Variants in ROBO2 observed in about 807,000 individuals in gnomAD.
ROBO2 encodes the protein roundabout homolog 2.
A neutral mutation model predicts 160.8 loss-of-function variants in ROBO2; 53 were observed. The observed-to-expected ratio is 0.33, with a 90% CI of 0.26 to 0.41. The LOEUF (loss-of-function observed/expected upper bound fraction) is 0.41. Among genes scored for constraint, ROBO2 ranks in the 10% least tolerant of loss-of-function variants. The pLI is 1.00. For synonymous variants in ROBO2, 664 were observed against 611.7 expected (o/e 1.09, Z -1.26); for missense variants, 1,577 against 1,722.4 (o/e 0.92, Z 1.49).
At chr3:76,257,998 G>T (rs1253130160) in intron 2 of ROBO2, among the ~76,000 whole-genome samples, 2 of 151,984 alleles carry the variant, frequency 1.3e-5, no homozygotes, top group East Asian at 3.9e-4. Context: ...AAATTTTTTG[G>T]AAAGTCATAT....
intron 2 of ROBO2, among the ~76,000 whole-genome samples, chr3:75,943,571 T>G (rs959376870): frequency 8.5e-5 from 13 of 152,216 alleles, no homozygotes; most frequent in Non-Finnish European, 1.8e-4. Flanking sequence ...TATGACACAT[T>G]TTAGTCTTAT....
chr3:77,475,049 G>A (rs925995312), intron 2 of ROBO2, among the ~76,000 whole-genome samples: 1 of 148,060 alleles, frequency 6.8e-6, no homozygotes, highest in African/African-American at 2.5e-5. Flanking sequence ...GGAACCTGCT[G>A]AAAAGCATGT....
intron 2 of ROBO2, among the ~76,000 whole-genome samples, chr3:77,126,711 TA>T (rs201036620): frequency 1.1e-4 from 15 of 138,950 alleles, no homozygotes; most frequent in South Asian, 8.3e-4. Flanking sequence ...TATATATATA[TA>T]TTTTTTTTCC....
intron 2 of ROBO2, among the ~76,000 whole-genome samples, chr3:76,731,014 T>C (rs4472053): frequency 1.4e-3 from 37 of 26,868 alleles, no homozygotes; most frequent in African/African-American, 2.3e-3. Context: ...CTACCCGCTT[T>C]TCCTCACCTC....
intron 2 of ROBO2, among the ~76,000 whole-genome samples, chr3:76,193,920 T>TA (rs1265571317): frequency 6.6e-6 from 1 of 152,192 alleles, no homozygotes; most frequent in Non-Finnish European, 1.5e-5. Context: ...CACTATTTTT[T>TA]ATCACAATCC....
At chr3:76,797,734 A>G (rs2063811192) in intron 2 of ROBO2, among the ~76,000 whole-genome samples, 1 of 151,936 alleles carries the variant, frequency 6.6e-6, no homozygotes, top group African/African-American at 2.4e-5. Context: ...ATGAAAAGGG[A>G]GACATTAAAA....
intron 2 of ROBO2, among the ~76,000 whole-genome samples, chr3:76,431,570 G>C (rs1172750762): frequency 6.6e-6 from 1 of 152,064 alleles, no homozygotes; most frequent in Non-Finnish European, 1.5e-5. Flanking sequence ...AAATAATGTG[G>C]TTAAGTGTTC....
chr3:76,598,233 A>G (rs568113494), intron 2 of ROBO2, among the ~76,000 whole-genome samples: 1 of 152,250 alleles, frequency 6.6e-6, no homozygotes, highest in African/African-American at 2.4e-5. Context: ...ATTTTTAGAA[A>G]TGGAGAACAG....
At chr3:76,571,937 C>G (rs1438518202) in intron 2 of ROBO2, among the ~76,000 whole-genome samples, 1 of 152,022 alleles carries the variant, frequency 6.6e-6, no homozygotes, top group African/African-American at 2.4e-5. Context: ...AGCCCAAGAG[C>G]TCAAGTTCAG....
At chr3:75,993,430 C>G (rs1179378281) in intron 2 of ROBO2, among the ~76,000 whole-genome samples, 2 of 152,178 alleles carry the variant, frequency 1.3e-5, no homozygotes, top group Non-Finnish European at 2.9e-5. Context: ...ACCCTGCTTT[C>G]CTTCTGCCAT....
intron 2 of ROBO2, among the ~76,000 whole-genome samples, chr3:76,687,128 C>A (rs529565851): frequency 2.0e-5 from 3 of 152,060 alleles, no homozygotes; most frequent in Non-Finnish European, 1.5e-5. Context: ...TAGGTAAATA[C>A]GTATTGCAGC....
chr3:76,671,405 G>A (rs1445944085), intron 2 of ROBO2, among the ~76,000 whole-genome samples: 1 of 152,016 alleles, frequency 6.6e-6, no homozygotes, highest in Non-Finnish European at 1.5e-5. Context: ...GACGCATTAA[G>A]CAAAATACAC....
chr3:76,639,419 C>A (rs917757851), intron 2 of ROBO2, among the ~76,000 whole-genome samples: 1 of 150,780 alleles, frequency 6.6e-6, no homozygotes, highest in East Asian at 2.0e-4. Flanking sequence ...TACATAAATA[C>A]ATATATAAAC....
At chr3:76,392,471 A>T (rs1016566950) in intron 2 of ROBO2, among the ~76,000 whole-genome samples, 1 of 152,142 alleles carries the variant, frequency 6.6e-6, no homozygotes, top group African/African-American at 2.4e-5. Flanking sequence ...TACTAAATTG[A>T]TATGCATGAT....
chr3:76,342,617 T>C (rs2074295949), intron 2 of ROBO2, among the ~76,000 whole-genome samples: 1 of 152,142 alleles, frequency 6.6e-6, no homozygotes, highest in South Asian at 2.1e-4. Context: ...GTTCAACCTG[T>C]ATATATCCTT....
intron 2 of ROBO2, among the ~76,000 whole-genome samples, chr3:77,381,042 G>T (rs560929272): frequency 1.3e-5 from 2 of 152,136 alleles, no homozygotes; most frequent in Non-Finnish European, 2.9e-5. Context: ...TTGGCAGGGC[G>T]CAGTGGCTCA....
At chr3:77,193,071 C>A (rs527754445) in intron 2 of ROBO2, among the ~76,000 whole-genome samples, 1 of 152,050 alleles carries the variant, frequency 6.6e-6, no homozygotes, top group South Asian at 2.1e-4. Context: ...AATAAGCATT[C>A]TTTGAATATA....
intron 2 of ROBO2, among the ~76,000 whole-genome samples, chr3:76,941,149 T>A (rs917236741): frequency 6.6e-6 from 1 of 151,444 alleles, no homozygotes; most frequent in East Asian, 1.9e-4. Flanking sequence ...TCAAACTAGG[T>A]TTCAAATGAT....
chr3:77,340,370 G>C (rs2066937094), intron 2 of ROBO2, among the ~76,000 whole-genome samples: 1 of 151,956 alleles, frequency 6.6e-6, no homozygotes, highest in South Asian at 2.1e-4. Context: ...CTCCTAACAT[G>C]GATTTGAAAA....
Sources: gnomAD v4.1 joint callset for allele counts (sites outside exome capture counted in the v4.1 genomes callset) on GRCh38, gnomAD v4.1.1 for gene constraint, MANE v1.5 for transcripts, NCBI Gene and HGNC (gene_info 2026-07-23, HGNC 2026-07-21) for gene names.